The following PCDHGB4 variants were observed in gnomAD, a reference collection of about 807,000 sequenced individuals.
The protein encoded by PCDHGB4 is protocadherin gamma subfamily B, 4.
A neutral mutation model predicts 60.5 loss-of-function variants in PCDHGB4; 38 were observed. The ratio of observed to expected loss-of-function variants is 0.63; its 90% CI spans 0.48 to 0.82. The LOEUF (loss-of-function observed/expected upper bound fraction) is 0.82, where lower values mean the gene tolerates loss of function less well. Among genes scored for constraint, PCDHGB4 ranks in the 40% least tolerant of loss-of-function variants. The pLI, the probability that PCDHGB4 is intolerant of heterozygous loss-of-function variation, is 0.00. For synonymous variants in PCDHGB4, 456 were observed against 509.7 expected (o/e 0.89, Z 1.42); for missense variants, 1,109 against 1,209.6 (o/e 0.92, Z 1.23).
At chr5:141,423,202 G>A (rs771252840) in intron 1 of PCDHGB4, 67 of 1,613,500 alleles carry the variant, frequency 4.2e-5, no homozygotes, top group Non-Finnish European at 5.5e-5. Context: ...CTCGGCCACC[G>A]TCACGCTCAC....
intron 1 of PCDHGB4, among the ~76,000 whole-genome samples, chr5:141,453,293 T>TTATG: frequency 6.6e-6 from 1 of 151,872 alleles, no homozygotes; most frequent in Non-Finnish European, 1.5e-5. Flanking sequence ...TTTTAATTAT[T>TTATG]TATTTATTTA....
chr5:141,431,389 G>T lies in PCDHGB4; in HGVS notation c.2397+41108G>T, dbSNP rs1213370298. 1 of 1,613,876 alleles carries T rather than the reference G, an allele frequency of 6.2e-7. No homozygotes were observed. Among genetic ancestry groups the T allele is most frequent in the Admixed American group, 1.7e-5 (1 of 60,028 alleles). On this transcript the variant is annotated intron_variant, in intron 1 of 3. Transcript: ENST00000519479. This position sits in a 1 kb window ranked among gnomAD's most constrained non-coding sequence, Gnocchi z 4.8. ...GCGAAGAAAAGGCTGCTCACCACCT[G>T]GTCCTTACGGCCTCCGACGGGGGCG...
intron 1 of PCDHGB4, among the ~76,000 whole-genome samples, chr5:141,453,490 G>A (rs921556476): frequency 6.6e-6 from 1 of 151,922 alleles, no homozygotes; most frequent in Admixed American, 6.6e-5. Flanking sequence ...TTAAAAAAAG[G>A]TGTACTCAGA....
intron 1 of PCDHGB4, chr5:141,408,674 A>C (rs1005052894): frequency 6.2e-7 from 1 of 1,613,882 alleles, no homozygotes; most frequent in African/African-American, 1.3e-5. Flanking sequence ...TGACCCTGCC[A>C]CGGATCCTGA....
At position 141,431,118 on chromosome 5, in the gene PCDHGB4, A is replaced by C; in HGVS notation, c.2397+40837A>C. On this transcript the variant is annotated intron_variant, in intron 1 of 3. Coordinates refer to ENST00000519479, the MANE Select transcript of PCDHGB4 (RefSeq NM_003736.4). The surrounding 1 kb of genome is among the most constrained non-coding windows in gnomAD (Gnocchi z 4.8). ...GATAAAGTGAAAATATATGGAGTAG[A>C]AGTAGAAGTAAGGGACATTAACGAC... 6.2e-7 allele frequency: 1 copy of C among 1,614,182 alleles called. No individual in the cohort carries two copies. Among genetic ancestry groups the C allele is most frequent in the Non-Finnish European group, 8.5e-7 (1 of 1,179,974 alleles).
chr5:141,428,288 A>G (rs1413902705), intron 1 of PCDHGB4: 1 of 728,846 alleles, frequency 1.4e-6, no homozygotes, highest in Middle Eastern at 2.3e-4. Flanking sequence ...TCCCAAGCAA[A>G]GCTGCAGATT....
chr5:141,419,414 GCCTTCGACCACGAGCAGCTGCGCA>G, intron 1 of PCDHGB4: 1 of 1,613,428 alleles, frequency 6.2e-7, no homozygotes, highest in South Asian at 1.1e-5. Context: ...CGCGCAGCGC[GCCTTCGACCACGAGCAGCTGCGCA>G]CCTTCGAGCT....
At chr5:141,409,559 G>A (rs1421541308) in intron 1 of PCDHGB4, 1 of 1,613,936 alleles carries the variant, frequency 6.2e-7, no homozygotes, top group Admixed American at 1.7e-5. Context: ...CCCAGTTTTC[G>A]ACCAGACGTC....
intron 1 of PCDHGB4, among the ~76,000 whole-genome samples, chr5:141,474,096 CAACAAA>C (rs1262341033): frequency 1.3e-5 from 2 of 152,078 alleles, no homozygotes; most frequent in African/African-American, 4.8e-5. Context: ...AAACAAACAA[CAACAAA>C]AACAACAACA....
intron 1 of PCDHGB4, among the ~76,000 whole-genome samples, chr5:141,425,485 A>G (rs2096878362): frequency 6.6e-6 from 1 of 152,274 alleles, no homozygotes; most frequent in Non-Finnish European, 1.5e-5. Context: ...ATGGCAACCT[A>G]CTAGGCTATA....
chr5:141,470,842 CA>C (rs1300821457), intron 1 of PCDHGB4, among the ~76,000 whole-genome samples: 2 of 152,044 alleles, frequency 1.3e-5, no homozygotes, highest in African/African-American at 4.8e-5. Flanking sequence ...CACACGCCAC[CA>C]TGCTCAGATA....
intron 1 of PCDHGB4, among the ~76,000 whole-genome samples, chr5:141,459,692 G>A (rs891511502): frequency 2.6e-5 from 4 of 152,134 alleles, no homozygotes; most frequent in African/African-American, 9.7e-5. Flanking sequence ...AAAGCGTTCC[G>A]CTTGCTACAT....
intron 1 of PCDHGB4, chr5:141,400,570 T>C: frequency 6.2e-7 from 1 of 1,612,974 alleles, no homozygotes; most frequent in Non-Finnish European, 8.5e-7. Context: ...CACCCAATTT[T>C]CTGTATTTAC....
At chr5:141,481,462 C>T (rs1395867714) in intron 1 of PCDHGB4, among the ~76,000 whole-genome samples, 1 of 152,162 alleles carries the variant, frequency 6.6e-6, no homozygotes. Flanking sequence ...ACACTGAAAA[C>T]CATTGGATTA....
intron 1 of PCDHGB4, among the ~76,000 whole-genome samples, chr5:141,465,307 T>C (rs2099100636): frequency 6.6e-6 from 1 of 152,218 alleles, no homozygotes; most frequent in Non-Finnish European, 1.5e-5. Context: ...CCTGGGAATT[T>C]AGCCATGTCA....
In PCDHGB4 at chr5:141,394,564, G is replaced by C. The variant is rs200338108; in HGVS notation, c.2397+4283G>C. 4.7e-3 allele frequency: 7,544 copies of C among 1,612,816 alleles called. 48 individuals carry two copies. The highest frequency in any genetic ancestry group is 9.5e-3 in the Admixed American group (568 of 59,990). On this transcript the variant is annotated intron_variant, in intron 1 of 3. Transcript: ENST00000519479. Reference sequence around the variant, plus strand: ...GAGCTGGCGCCCCGCTCCGCAGAGCGTGGCTACCTGGTGACCAAGGTGGTG... The same window carrying C: ...GAGCTGGCGCCCCGCTCCGCAGAGCCTGGCTACCTGGTGACCAAGGTGGTG...
rs2099403992 is a variant in PCDHGB4, at chr5:141,477,030, C to T, written c.2398-17777C>T. On this transcript the variant is annotated intron_variant, in intron 1 of 3. Transcript: ENST00000519479. This position sits in a 1 kb window ranked among gnomAD's most constrained non-coding sequence, Gnocchi z 4.9. ...TTAGACCTTGTAACCGGGATGCTGACAATCAAGGGTCGGCTGGACTTCGAG... is the reference window on the plus strand; with the variant it reads ...TTAGACCTTGTAACCGGGATGCTGATAATCAAGGGTCGGCTGGACTTCGAG... The T allele has an allele frequency of 1.2e-6, 2 of 1,614,272 alleles. No homozygotes were observed. The highest frequency in any genetic ancestry group is 1.6e-4 in the Middle Eastern group (1 of 6,062).
intron 1 of PCDHGB4, chr5:141,413,826 C>G (rs1363449): frequency 6.2e-7 from 1 of 1,613,180 alleles, no homozygotes; most frequent in Non-Finnish European, 8.5e-7. Flanking sequence ...TGGTCCTCAC[C>G]GCCTCCGACG....
At chr5:141,421,352 A>T in intron 1 of PCDHGB4, 1 of 1,613,946 alleles carries the variant, frequency 6.2e-7, no homozygotes, top group Non-Finnish European at 8.5e-7. Context: ...GAGACCGAAA[A>T]GGGCTCCTTC....
Sources: allele counts gnomAD v4.1 joint callset (sites outside exome capture counted in the v4.1 genomes callset), GRCh38; gene constraint gnomAD v4.1.1; non-coding constraint Gnocchi (gnomAD v3.1); transcripts MANE v1.5; gene names NCBI Gene and HGNC (gene_info 2026-07-23, HGNC 2026-07-21).